The following VAX2 variants were observed in gnomAD, a reference collection of about 807,000 sequenced individuals.
The protein encoded by VAX2 is ventral anterior homeobox 2.
VAX2 carries 8 observed loss-of-function variants against 12.5 expected under a neutral mutation model. That is an observed-to-expected ratio of 0.64 (90% CI 0.37 to 1.15). VAX2 has a LOEUF of 1.15. Among genes scored for constraint, VAX2 ranks in the 50% most tolerant of loss-of-function variants. The probability of loss-of-function intolerance (pLI) is 0.01; values close to 1 mark genes in which losing one functional copy is unlikely to be tolerated. For missense variants in VAX2, 476 were observed against 412.9 expected (o/e 1.15, Z -1.32); for synonymous variants, 183 against 187.6 (o/e 0.98, Z 0.20).
chr2:70,917,481 C>A (rs949322303), intron 1 of VAX2, among the ~76,000 whole-genome samples: 1 of 152,104 alleles, frequency 6.6e-6, no homozygotes, highest in African/African-American at 2.4e-5. Context: ...TTCCTACCAG[C>A]AATGTAAGAG....
Position 70,933,108 on chromosome 2 carries a change from T to G in VAX2, c.777T>G (p.Pro259=). The change falls in exon 3 of 3, where the codon CCT becomes CCG. Residue 259 remains proline (P), a synonymous_variant. Transcript: ENST00000234392. ...CFSSAPLLDL[P]AGYELGSSAF... Reference sequence around the variant, plus strand: ...CCTCGGCCCCGCTCCTGGATCTGCCTGCCGGCTACGAACTGGGTTCCTCGG... The same window carrying G: ...CCTCGGCCCCGCTCCTGGATCTGCCGGCCGGCTACGAACTGGGTTCCTCGG... 1 of 1,609,796 alleles carries G rather than the reference T, an allele frequency of 6.2e-7. No homozygotes were observed. The highest frequency in any genetic ancestry group is 8.5e-7 in the Non-Finnish European group (1 of 1,178,356).
chr2:70,920,919 G>T (rs1479307787), intron 1 of VAX2, among the ~76,000 whole-genome samples, 179 bp from the exon 2 acceptor site: 8 of 152,046 alleles, frequency 5.3e-5, no homozygotes, highest in Non-Finnish European at 1.0e-4. Context: ...ATAATACCCT[G>T]CATTGGGTGG....
chr2:70,901,000 A>T, intron 1 of VAX2, 132 bp downstream of exon 1: 2 of 1,010,930 alleles, frequency 2.0e-6, no homozygotes, highest in Non-Finnish European at 2.6e-6. Context: ...TCATTCAGCA[A>T]ATATTATTTT....
chr2:70,932,575 G>T (rs938909426), intron 2 of VAX2, among the ~76,000 whole-genome samples, 192 bp from the exon 3 acceptor site: 1 of 151,740 alleles, frequency 6.6e-6, no homozygotes, highest in Non-Finnish European at 1.5e-5. Flanking sequence ...GCCTACAGCA[G>T]GATGGTTGTG....
chr2:70,924,473 G>A (rs1261037276), intron 2 of VAX2: 5 of 152,114 alleles, frequency 3.3e-5, no homozygotes. Flanking sequence ...TGGGATTATA[G>A]GTGTGAGCCA....
At chr2:70,931,900 G>C (rs782779802) in intron 2 of VAX2, among the ~76,000 whole-genome samples, 1 of 152,250 alleles carries the variant, frequency 6.6e-6, no homozygotes, top group Non-Finnish European at 1.5e-5. Flanking sequence ...CAGCCCTCTA[G>C]ATGTTACAGT....
Position 70,933,245 on chromosome 2 carries a change from T to TC in VAX2, c.*44dup. On this transcript the variant is annotated 3_prime_UTR_variant, in exon 3 of 3. Coordinates refer to ENST00000234392, the MANE Select transcript of VAX2 (RefSeq NM_012476.3). ...ACACTGAGTCCCGAGCACAGCACCT[T>TC]CCCAGTCTCCTGTGCCCCAGCGGAC... The TC allele has an allele frequency of 1.4e-6, 2 of 1,468,766 alleles. No homozygotes were observed. The highest frequency in any genetic ancestry group is 1.8e-6 in the Non-Finnish European group (2 of 1,108,522). 91.0% of individuals were successfully genotyped at this position (1,468,766 alleles called of 1,614,324 possible).
chr2:70,922,384 C>T (rs571796315), intron 2 of VAX2, among the ~76,000 whole-genome samples: 1 of 152,036 alleles, frequency 6.6e-6, no homozygotes, highest in African/African-American at 2.4e-5. Flanking sequence ...GAGGGCTTCC[C>T]GTCTGTGCTG....
At chr2:70,908,070 TA>T (rs1235469980) in intron 1 of VAX2, among the ~76,000 whole-genome samples, 1 of 152,252 alleles carries the variant, frequency 6.6e-6, no homozygotes, top group Non-Finnish European at 1.5e-5. Flanking sequence ...AGGGTTCTTC[TA>T]GACCTTTGAC....
In VAX2 at chr2:70,901,777, G is replaced by A. The variant is rs529401405; in HGVS notation, c.247+909G>A. Among the ~76,000 whole-genome samples the A allele has an allele frequency of 3.5e-4, 54 of 152,326 alleles. No individual in the cohort carries two copies. In the South Asian group the frequency reaches 0.011, roughly 30 times the overall value. The stretch of plus-strand genomic sequence containing the variant: ...GATGAGAGGAGAAAGGGGACTCCGG[G>A]GTCTTGCCCTCAGCCCGACCCCAGG... On this transcript the variant is annotated intron_variant, in intron 1 of 2. Transcript: ENST00000234392.
chr2:70,921,304 G>A lies in VAX2; in HGVS notation c.435+19G>A. 2 of 1,581,604 alleles carry A rather than the reference G, an allele frequency of 1.3e-6. No homozygotes were observed. Among genetic ancestry groups the A allele is most frequent in the Non-Finnish European group, 8.6e-7 (1 of 1,164,140 alleles). ...GACCCAGGTAAGAGACCAGGGCCAG[G>A]CCACTCCACTCTTGTCCTGGCAGCC... On this transcript the variant is annotated intron_variant, in intron 2 of 2. Transcript: ENST00000234392.
At chr2:70,925,575 G>T (rs1453757977) in intron 2 of VAX2, among the ~76,000 whole-genome samples, 8 of 152,130 alleles carry the variant, frequency 5.3e-5, no homozygotes, top group African/African-American at 1.7e-4. Flanking sequence ...GTCAGATTTT[G>T]GGGGGAGGGC....
chr2:70,930,212 A>G lies in VAX2; in HGVS notation c.436-2555A>G, dbSNP rs1225491534. 2.1e-5 allele frequency among the ~76,000 whole-genome samples: 3 copies of G among 144,390 alleles called. 1 individual carries two copies. The East Asian group carries it at 6.2e-4, about 30-fold the overall frequency. 94.7% of individuals were successfully genotyped at this position (144,390 alleles called of 152,430 possible). ...CACTTTGTCTCTAAAAACAAAAATAAAGAAATAAACTCAATCCAATGTCCT... is the reference window on the plus strand; with the variant it reads ...CACTTTGTCTCTAAAAACAAAAATAGAGAAATAAACTCAATCCAATGTCCT... On this transcript the variant is annotated intron_variant, in intron 2 of 2. Transcript: ENST00000234392.
intron 1 of VAX2, among the ~76,000 whole-genome samples, chr2:70,902,566 C>T (rs1412578428): frequency 6.6e-6 from 1 of 152,226 alleles, no homozygotes; most frequent in African/African-American, 2.4e-5. Context: ...CACTCATCAC[C>T]TTGAACCCCA....
intron 1 of VAX2, among the ~76,000 whole-genome samples, chr2:70,919,514 T>C (rs934567955): frequency 2.6e-5 from 4 of 151,894 alleles, no homozygotes; most frequent in Non-Finnish European, 5.9e-5. Context: ...AGACCCCATC[T>C]CATTTTTTAA....
At chr2:70,901,275 G>C (rs1678917554) in intron 1 of VAX2, among the ~76,000 whole-genome samples, 1 of 152,246 alleles carries the variant, frequency 6.6e-6, no homozygotes. Context: ...CGGCAACCGC[G>C]GGAGGAAAAG....
chr2:70,923,389 T>C (rs1174496065), intron 2 of VAX2, among the ~76,000 whole-genome samples: 1 of 152,186 alleles, frequency 6.6e-6, no homozygotes, highest in Non-Finnish European at 1.5e-5. Context: ...CAACACCAGG[T>C]GTATGGTATG....
intron 2 of VAX2, among the ~76,000 whole-genome samples, chr2:70,930,472 C>A (rs1187027380): frequency 6.6e-6 from 1 of 152,224 alleles, no homozygotes; most frequent in African/African-American, 2.4e-5. Flanking sequence ...TGTGATCTGT[C>A]TCAGTCACTT....
Position 70,933,187 on chromosome 2 carries a change from A to G in VAX2, c.856A>G (p.Lys286Glu), listed in dbSNP as rs1679745828. 2 of 1,526,094 alleles carry G rather than the reference A, an allele frequency of 1.3e-6. No individual in the cohort carries two copies. The highest frequency in any genetic ancestry group is 2.2e-5 in the Admixed American group (1 of 46,380). 94.5% of individuals were successfully genotyped at this position (1,526,094 alleles called of 1,614,324 possible). ...ERKVGSASSC[K>E]KANT ...GAAAGTGGGCAGCGCCAGCAGCTGCAAGAAAGCTAACACTTAAGACTCCCA... is the reference window on the plus strand; with the variant it reads ...GAAAGTGGGCAGCGCCAGCAGCTGCGAGAAAGCTAACACTTAAGACTCCCA... Residue 286 changes from lysine (K) to glutamate (E), a missense_variant, in exon 3 of 3, where the codon AAG becomes GAG. Lys to Glu is a moderately conservative substitution (Grantham distance 56). Coordinates refer to ENST00000234392, the MANE Select transcript of VAX2 (RefSeq NM_012476.3).
Sources: gnomAD v4.1 joint callset for allele counts (sites outside exome capture counted in the v4.1 genomes callset) on GRCh38, gnomAD v4.1.1 for gene constraint, MANE v1.5 for transcripts, NCBI Gene and HGNC (gene_info 2026-07-23, HGNC 2026-07-21) for gene names.